The following SEMA3C variants were observed in gnomAD, a reference collection of about 807,000 sequenced individuals.
The protein encoded by SEMA3C is semaphorin-3C.
SEMA3C carries 47 observed loss-of-function variants against 89.4 expected under a neutral mutation model. The ratio of observed to expected loss-of-function variants is 0.53; its 90% CI spans 0.42 to 0.67. The LOEUF is 0.67. Among genes scored for constraint, SEMA3C ranks in the 30% least tolerant of loss-of-function variants. The pLI, the probability that SEMA3C is intolerant of heterozygous loss-of-function variation, is 0.00. For missense variants in SEMA3C, 839 were observed against 929.1 expected (o/e 0.90, Z 1.26); for synonymous variants, 310 against 320.2 (o/e 0.97, Z 0.34).
chr7:80,872,923 G>GAAAAAAAAAA, intron 2 of SEMA3C, among the ~76,000 whole-genome samples: 1 of 79,642 alleles, frequency 1.3e-5, no homozygotes, highest in Non-Finnish European at 2.7e-5. Flanking sequence ...GAATGAGAGT[G>GAAAAAAAAAA]AAAAAAAAAA....
intron 12 of SEMA3C, among the ~76,000 whole-genome samples, chr7:80,779,128 G>C (rs1424663422): frequency 6.6e-6 from 1 of 152,094 alleles, no homozygotes. Flanking sequence ...ATGTGAGATG[G>C]AACTGAGCTT....
At chr7:80,921,337 T>C (rs763328976), upstream of SEMA3C, among the ~76,000 whole-genome samples, 2 of 152,190 alleles carry the variant, frequency 1.3e-5, no homozygotes, top group Non-Finnish European at 2.9e-5. Context: ...ATAAAAATAC[T>C]GATAGGCTTT....
At chr7:80,879,463 C>A (rs1459509621) in intron 2 of SEMA3C, among the ~76,000 whole-genome samples, 2 of 152,090 alleles carry the variant, frequency 1.3e-5, no homozygotes, top group Non-Finnish European at 2.9e-5. Context: ...GTTGTAGGCA[C>A]CTGATTGTCC....
intron 15 of SEMA3C, among the ~76,000 whole-genome samples, chr7:80,754,957 G>GTTTTTTTTGT (rs1788025576): frequency 1.8e-5 from 2 of 108,368 alleles, no homozygotes; most frequent in African/African-American, 7.1e-5. Context: ...GTTTTTTTTT[G>GTTTTTTTTGT]TTTTTTTTTT....
intron 2 of SEMA3C, among the ~76,000 whole-genome samples, chr7:80,903,321 C>G (rs1177530364): frequency 6.6e-6 from 1 of 152,080 alleles, no homozygotes; most frequent in Non-Finnish European, 1.5e-5. Context: ...ATTTGTGTAT[C>G]CAAACATATC....
At chr7:80,899,186 G>A (rs1437544451) in intron 2 of SEMA3C, among the ~76,000 whole-genome samples, 5 of 152,074 alleles carry the variant, frequency 3.3e-5, no homozygotes, top group Admixed American at 6.6e-5. Context: ...GATTACAGGC[G>A]TGTGCCACTG....
At chr7:80,829,407 G>A (rs1457108867) in intron 2 of SEMA3C, among the ~76,000 whole-genome samples, 1 of 152,096 alleles carries the variant, frequency 6.6e-6, no homozygotes, top group African/African-American at 2.4e-5. Context: ...ACAGCAGTGT[G>A]ATTGTCTTCT....
intron 12 of SEMA3C, among the ~76,000 whole-genome samples, chr7:80,786,009 A>G (rs1348531169): frequency 6.6e-6 from 1 of 152,220 alleles, no homozygotes; most frequent in East Asian, 1.9e-4. Context: ...AATAAGGTCC[A>G]GTGGCTAAGC....
chr7:80,839,331 T>G (rs553039010), intron 2 of SEMA3C, among the ~76,000 whole-genome samples: 1 of 152,244 alleles, frequency 6.6e-6, no homozygotes, highest in East Asian at 1.9e-4. Context: ...TTTCTAGACC[T>G]CTTGGCACTT....
intron 11 of SEMA3C, among the ~76,000 whole-genome samples, chr7:80,791,591 C>T (rs542142448): frequency 6.6e-6 from 1 of 152,218 alleles, no homozygotes; most frequent in African/African-American, 2.4e-5. Flanking sequence ...TGGGGAGTTA[C>T]GTGTTATCCA....
At chr7:80,772,833 C>T (rs546751394) in intron 12 of SEMA3C, among the ~76,000 whole-genome samples, 2 of 152,098 alleles carry the variant, frequency 1.3e-5, no homozygotes, top group South Asian at 4.1e-4. Context: ...TTTCACTTGG[C>T]TCCTTAGCAC....
At chr7:80,872,023 T>C (rs1285648580) in intron 2 of SEMA3C, among the ~76,000 whole-genome samples, 1 of 152,240 alleles carries the variant, frequency 6.6e-6, no homozygotes, top group Non-Finnish European at 1.5e-5. Flanking sequence ...TTAATTTTTC[T>C]GCATGATAAT....
At chr7:80,850,624 C>T (rs867554532) in intron 2 of SEMA3C, among the ~76,000 whole-genome samples, 1 of 151,950 alleles carries the variant, frequency 6.6e-6, no homozygotes, top group Non-Finnish European at 1.5e-5. Flanking sequence ...AGACGGTCAC[C>T]GGAGTGACAA....
chr7:80,802,869 A>G, intron 8 of SEMA3C, 90 bp from the exon 9 acceptor site: 1 of 826,556 alleles, frequency 1.2e-6, no homozygotes, highest in Non-Finnish European at 2.0e-6. Flanking sequence ...TGCTTGGAGG[A>G]TGAAAATCTG....
chr7:80,811,891 A>G (rs1462574681), intron 5 of SEMA3C, among the ~76,000 whole-genome samples: 1 of 152,174 alleles, frequency 6.6e-6, no homozygotes, highest in Non-Finnish European at 1.5e-5. Context: ...TATAGTCGCA[A>G]TCAACAGAGG....
upstream of SEMA3C, among the ~76,000 whole-genome samples, chr7:80,919,778 A>G (rs1792374394): frequency 6.6e-6 from 1 of 151,792 alleles, no homozygotes; most frequent in African/African-American, 2.4e-5. Flanking sequence ...TAGTAGAGAC[A>G]GGGCCAGGAT....
Position 80,765,214 on chromosome 7 carries a change from G to A in SEMA3C, c.1384C>T (p.Leu462Phe). ...DRGTVQKVVV[L>F]PTNNSVSGEL... ...CCACTGACAGAGTTGTTAGTAGGAA[G>A]AACAACCACTTTTTGCACAGTACCC... is the stretch of plus-strand genomic sequence containing the variant. Residue 462 changes from leucine to phenylalanine, a missense_variant, in exon 13 of 18, where the codon CTT (leucine) becomes TTT (phenylalanine). Coordinates refer to ENST00000265361, the MANE Select transcript of SEMA3C (RefSeq NM_006379.5). 1 of 1,613,480 alleles carries A rather than the reference G, an allele frequency of 6.2e-7. No homozygotes were observed. Among genetic ancestry groups the A allele is most frequent in the South Asian group, 1.1e-5 (1 of 91,014 alleles).
intron 12 of SEMA3C, among the ~76,000 whole-genome samples, chr7:80,782,565 C>T (rs1273559390): frequency 6.6e-6 from 1 of 152,112 alleles, no homozygotes; most frequent in African/African-American, 2.4e-5. Flanking sequence ...AGAATAAATG[C>T]TCAATATATG....
chr7:80,875,524 G>T (rs73374856), intron 2 of SEMA3C, among the ~76,000 whole-genome samples: 8,231 of 151,920 alleles, frequency 0.054, 555 homozygotes, highest in East Asian at 0.16. Context: ...AAGCACAATC[G>T]GAAAAAATTA....
Sources: allele counts gnomAD v4.1 joint callset (sites outside exome capture counted in the v4.1 genomes callset), GRCh38; gene constraint gnomAD v4.1.1; transcripts MANE v1.5; gene names NCBI Gene and HGNC (gene_info 2026-07-23, HGNC 2026-07-21).